MOB1A: variants seen among roughly 807,000 people sequenced by gnomAD.
MOB1A encodes MOB kinase activator 1A.
A neutral mutation model predicts 25.1 loss-of-function variants in MOB1A; 10 were observed. The observed-to-expected ratio is 0.40, with a 90% CI of 0.25 to 0.68. MOB1A has a LOEUF of 0.68. Among genes scored for constraint, MOB1A ranks in the 30% least tolerant of loss-of-function variants. The pLI, the probability that MOB1A is intolerant of heterozygous loss-of-function variation, is 0.40. For missense variants in MOB1A, 177 were observed against 256.3 expected (o/e 0.69, Z 2.11); for synonymous variants, 81 against 79.5 (o/e 1.02, Z -0.10).
At chr2:74,158,981 G>C in intron 5 of MOB1A, 110 bp downstream of exon 5, 1 of 994,680 alleles carries the variant, frequency 1.0e-6, no homozygotes, top group Non-Finnish European at 1.5e-6. Flanking sequence ...AGAGAAGCTT[G>C]CCTGTAATTG....
chr2:74,173,107 G>A, intron 1 of MOB1A: 2 of 478,888 alleles, frequency 4.2e-6, no homozygotes, highest in Non-Finnish European at 8.3e-6. Flanking sequence ...CTGCACTCCA[G>A]CCCAGGTGAC....
intron 3 of MOB1A, among the ~76,000 whole-genome samples, chr2:74,166,718 C>A (rs1216017681): frequency 6.6e-6 from 1 of 152,160 alleles, no homozygotes; most frequent in East Asian, 1.9e-4. Flanking sequence ...GGCCTGTAAT[C>A]CCAGCCACTC....
At chr2:74,163,152 G>A (rs950394489) in intron 4 of MOB1A, among the ~76,000 whole-genome samples, 1 of 152,098 alleles carries the variant, frequency 6.6e-6, no homozygotes. Context: ...CCATTACTCG[G>A]CATTGCGCTT....
At position 74,156,211 on chromosome 2, in the gene MOB1A, T is replaced by C. The variant is rs559286944; in HGVS notation, c.*357A>G. 5.9e-6 allele frequency: 1 copy of C among 169,594 alleles called. No homozygotes were observed. The highest frequency in any genetic ancestry group is 1.3e-5 in the Non-Finnish European group (1 of 79,456). The allele number at this position is 169,594 out of a possible 1,614,324, so 10.5% of individuals were successfully genotyped here. ...GAAATTCTTAATGTCCATTGTGCTG[T>C]CACCTAAAACAGATTCAATCATTTT... is the stretch of plus-strand genomic sequence containing the variant. On this transcript the variant is annotated 3_prime_UTR_variant, in exon 6 of 6. Coordinates refer to ENST00000396049, the MANE Select transcript of MOB1A (RefSeq NM_018221.5).
Position 74,167,125 on chromosome 2 carries a change from T to C in MOB1A, c.182-18A>G, listed in dbSNP as rs1258871395. On this transcript the variant is annotated intron_variant, in intron 2 of 5. Transcript: ENST00000396049. Reference sequence around the variant, plus strand: ...ATCCACAGCTGCAGAGATAATAGAATTGTGTCAAAATGTCTGTGTAAACAC... The same window carrying C: ...ATCCACAGCTGCAGAGATAATAGAACTGTGTCAAAATGTCTGTGTAAACAC... 16 of 1,574,906 alleles carry C rather than the reference T, an allele frequency of 1.0e-5. No homozygotes were observed. Among genetic ancestry groups the C allele is most frequent in the African/African-American group, 2.7e-5 (2 of 73,876 alleles).
intron 1 of MOB1A, among the ~76,000 whole-genome samples, chr2:74,177,787 A>C (rs1462727406): frequency 6.6e-6 from 1 of 152,256 alleles, no homozygotes; most frequent in African/African-American, 2.4e-5. Context: ...TTTAAGCAAT[A>C]TACAAGGTAG....
rs1450419160 is a variant in MOB1A, at chr2:74,153,699, T to A, written c.*2869A>T. On this transcript the variant is annotated 3_prime_UTR_variant, in exon 6 of 6. Transcript: ENST00000396049. Reference sequence around the variant, plus strand: ...AAAATTAAAGCACCATAGGATTAACTGCATAATTTAGCAAGCACTCTCTAC... The same window carrying A: ...AAAATTAAAGCACCATAGGATTAACAGCATAATTTAGCAAGCACTCTCTAC... The A allele has an allele frequency of 7.2e-5, 11 of 152,210 alleles. No homozygotes were observed. The highest frequency in any genetic ancestry group is 3.9e-4 in the Admixed American group (6 of 15,278). 9.4% of individuals were successfully genotyped at this position (152,210 alleles called of 1,614,324 possible). A position where few individuals can be genotyped will look rare whatever the true frequency, so the allele number is the denominator to read the frequency against.
intron 2 of MOB1A, among the ~76,000 whole-genome samples, chr2:74,168,177 G>A (rs934217000): frequency 6.6e-6 from 1 of 152,098 alleles, no homozygotes; most frequent in African/African-American, 2.4e-5. Flanking sequence ...AAGAAGACAG[G>A]ATCCAAAGGC....
At position 74,172,510 on chromosome 2, in the gene MOB1A, T is replaced by G. The variant is rs1693321659; in HGVS notation, c.181+76A>C. On this transcript the variant is annotated intron_variant, in intron 2 of 5. Coordinates refer to ENST00000396049, the MANE Select transcript of MOB1A (RefSeq NM_018221.5). ...TGTTATATTAAAACAGTTCTAACTGTAAAAGAAAATTCATTAACAAAGAGA... is the reference window on the plus strand; with the variant it reads ...TGTTATATTAAAACAGTTCTAACTGGAAAAGAAAATTCATTAACAAAGAGA... 1.3e-5 allele frequency: 18 copies of G among 1,403,934 alleles called. No homozygotes were observed. The South Asian group carries it at 2.2e-4, about 17-fold the overall frequency. 87.0% of individuals were successfully genotyped at this position (1,403,934 alleles called of 1,614,324 possible). A position where few individuals can be genotyped will look rare whatever the true frequency, so the allele number is the denominator to read the frequency against.
At chr2:74,160,909 A>C (rs1442638265) in intron 4 of MOB1A, among the ~76,000 whole-genome samples, 1 of 151,948 alleles carries the variant, frequency 6.6e-6, no homozygotes, top group East Asian at 1.9e-4. Flanking sequence ...AAATACAAAA[A>C]TTAGCCAGAC....
Position 74,155,999 on chromosome 2 carries a change from C to T in MOB1A, c.*569G>A, listed in dbSNP as rs988580911. 2.6e-5 allele frequency: 4 copies of T among 152,524 alleles called. No individual in the cohort carries two copies. The highest frequency in any genetic ancestry group is 5.9e-5 in the Non-Finnish European group (4 of 67,988). 9.4% of individuals were successfully genotyped at this position (152,524 alleles called of 1,614,324 possible). ...CAATCATGAATTTTGAAAAAATAGA[C>T]GTATCTTATCTATAAAAACACTACC... On this transcript the variant is annotated 3_prime_UTR_variant, in exon 6 of 6. Coordinates refer to ENST00000396049, the MANE Select transcript of MOB1A (RefSeq NM_018221.5).
chr2:74,167,139 C>T, intron 2 of MOB1A, 32 bp from the exon 3 acceptor site: 1 of 1,565,784 alleles, frequency 6.4e-7, no homozygotes, highest in Non-Finnish European at 8.8e-7. Context: ...GTCAAAATGT[C>T]TGTGTAAACA....
chr2:74,152,760 G>T lies in MOB1A; in HGVS notation c.*3808C>A, dbSNP rs940197061. On this transcript the variant is annotated 3_prime_UTR_variant, in exon 6 of 6. Coordinates refer to ENST00000396049, the MANE Select transcript of MOB1A (RefSeq NM_018221.5). ...AGAACATTTAAAAATATTTTAGATG[G>T]TAACCAAAACTAACTTACACAAACT... 4 of 152,088 alleles carry T rather than the reference G, an allele frequency of 2.6e-5. No individual in the cohort carries two copies. Among genetic ancestry groups the T allele is most frequent in the Admixed American group, 2.0e-4 (3 of 15,268 alleles). The allele number at this position is 152,088 out of a possible 1,614,324, so 9.4% of individuals were successfully genotyped here.
At chr2:74,166,110 A>G (rs544381827) in intron 3 of MOB1A, among the ~76,000 whole-genome samples, 1 of 140,678 alleles carries the variant, frequency 7.1e-6, no homozygotes, top group East Asian at 2.0e-4. Context: ...TTATTATAAG[A>G]AAAAAAAAAG....
intron 5 of MOB1A, among the ~76,000 whole-genome samples, chr2:74,156,952 A>G (rs1692823152): frequency 6.6e-6 from 1 of 151,756 alleles, no homozygotes; most frequent in South Asian, 2.1e-4. Flanking sequence ...CTCTCTTTTT[A>G]AAAATATAGG....
At chr2:74,157,585 C>G (rs568420381) in intron 5 of MOB1A, among the ~76,000 whole-genome samples, 12 of 152,220 alleles carry the variant, frequency 7.9e-5, no homozygotes, top group African/African-American at 2.6e-4. Flanking sequence ...ACTGAGCTCT[C>G]AAACTTGTAG....
chr2:74,169,125 C>T (rs566220056), intron 2 of MOB1A, among the ~76,000 whole-genome samples: 1 of 152,326 alleles, frequency 6.6e-6, no homozygotes, highest in South Asian at 2.1e-4. Flanking sequence ...CCATACTTCT[C>T]ACTAAAATTT....
At chr2:74,173,716 C>T (rs1401404491) in intron 1 of MOB1A, among the ~76,000 whole-genome samples, 4 of 149,890 alleles carry the variant, frequency 2.7e-5, no homozygotes, top group Non-Finnish European at 4.5e-5. Flanking sequence ...TTTGGGAGGC[C>T]GAGACGGGTG....
At chr2:74,170,477 T>A (rs1315749039) in intron 2 of MOB1A, among the ~76,000 whole-genome samples, 1 of 150,254 alleles carries the variant, frequency 6.7e-6, no homozygotes, top group Non-Finnish European at 1.5e-5. Context: ...TTTGGCTGGG[T>A]TTTTTCCAGC....
Sources: allele counts gnomAD v4.1 joint callset (sites outside exome capture counted in the v4.1 genomes callset), GRCh38; gene constraint gnomAD v4.1.1; transcripts MANE v1.5; gene names NCBI Gene and HGNC (gene_info 2026-07-23, HGNC 2026-07-21).